DAND5: variants seen among roughly 807,000 people sequenced by gnomAD.
The protein encoded by DAND5 is DAN domain family member 5.
In DAND5, 8 loss-of-function variants were observed where a neutral mutation model predicts 9.2. That is an observed-to-expected ratio of 0.87 (90% CI 0.51 to 1.56). DAND5 has a LOEUF of 1.56. DAND5 is among the 40% of genes most tolerant of loss of function. The probability of loss-of-function intolerance (pLI) is 0.00; values close to 1 mark genes in which losing one functional copy is unlikely to be tolerated. For missense variants in DAND5, 244 were observed against 244.7 expected, an observed-to-expected ratio of 1.00 and a Z score of 0.02; for synonymous variants, 95 against 101.1, an observed-to-expected ratio of 0.94 and a Z score of 0.36.
chr19:12,973,786 C>T lies in DAND5; in HGVS notation c.*152C>T, dbSNP rs1222912435. 6 of 1,151,744 alleles carry T rather than the reference C, an allele frequency of 5.2e-6. No homozygotes were observed. The highest frequency in any genetic ancestry group is 6.0e-6 in the Non-Finnish European group (5 of 833,828). 71.3% of individuals were successfully genotyped at this position (1,151,744 alleles called of 1,614,324 possible). A position where few individuals can be genotyped will look rare whatever the true frequency, so the allele number is the denominator to read the frequency against. On this transcript the variant is annotated 3_prime_UTR_variant, in exon 2 of 2. Coordinates refer to ENST00000317060, the MANE Select transcript of DAND5 (RefSeq NM_152654.3). Reference sequence around the variant, plus strand: ...ACAGGTCCCCAGAGTCCTCACCCTGCTCCCCAGACAGTAGACACAGTGCCC... The same window carrying T: ...ACAGGTCCCCAGAGTCCTCACCCTGTTCCCCAGACAGTAGACACAGTGCCC...
chr19:12,972,209 C>A (rs1310085020), intron 1 of DAND5, among the ~76,000 whole-genome samples: 6 of 152,070 alleles, frequency 3.9e-5, no homozygotes, highest in Non-Finnish European at 8.8e-5. Flanking sequence ...CAGGCGCCCA[C>A]CACCACGCCT....
At chr19:12,970,504 C>A (rs1246851742) in intron 1 of DAND5, 1 of 700,648 alleles carries the variant, frequency 1.4e-6, no homozygotes, top group Non-Finnish European at 2.6e-6. Flanking sequence ...TGGCCTCAAG[C>A]AATCCTCCCA....
intron 1 of DAND5, among the ~76,000 whole-genome samples, chr19:12,973,079 G>C (rs567122033): frequency 1.2e-3 from 174 of 150,610 alleles, no homozygotes; most frequent in African/African-American, 2.9e-3. Context: ...GGCCAGGATG[G>C]TCTCGATCTG....
chr19:12,970,664 TTCTTTCTTTCTTTTCTC>T, intron 1 of DAND5: 1 of 458,330 alleles, frequency 2.2e-6, no homozygotes, highest in South Asian at 4.2e-5. Flanking sequence ...TTTCTTTCCT[TTCTTTCTTTCTTTTCTC>T]TCTCTCTCTT....
chr19:12,970,060 AT>A, intron 1 of DAND5, 76 bp downstream of exon 1: 2 of 1,553,360 alleles, frequency 1.3e-6, no homozygotes, highest in Non-Finnish European at 8.7e-7. Context: ...CCCAAGAAAG[AT>A]TTGGGTTCAA....
intron 1 of DAND5, among the ~76,000 whole-genome samples, chr19:12,972,032 A>C (rs1163449097): frequency 6.6e-6 from 1 of 151,490 alleles, no homozygotes; most frequent in Non-Finnish European, 1.5e-5. Flanking sequence ...CTAGGCCTAC[A>C]GACGCACAGC....
chr19:12,970,473 C>T (rs767500812), intron 1 of DAND5: 7 of 702,244 alleles, frequency 1.0e-5, no homozygotes, highest in South Asian at 8.9e-5. Context: ...CGCTATGTTG[C>T]CCAAGCTAGT....
In DAND5 at chr19:12,973,612, G is replaced by A; in HGVS notation, c.548G>A (p.Cys183Tyr). 6.2e-7 allele frequency: 1 copy of A among 1,614,044 alleles called. No homozygotes were observed. Among genetic ancestry groups the A allele is most frequent in the Non-Finnish European group, 8.5e-7 (1 of 1,180,000 alleles). The change falls in exon 2 of 2, where the codon TGT becomes TAT. Residue 183 changes from cysteine to tyrosine, a missense_variant. Coordinates refer to ENST00000317060, the MANE Select transcript of DAND5 (RefSeq NM_152654.3). ...VKISTMLIEG[C>Y]HCSPKA ...ATATCCACCATGCTGATCGAGGGGT[G>A]TCACTGCAGCCCAAAAGCATGAACT...
At chr19:12,970,456 G>A (rs561929208) in intron 1 of DAND5, 3 of 701,384 alleles carry the variant, frequency 4.3e-6, no homozygotes, top group East Asian at 2.7e-5. Flanking sequence ...TTTAGACACG[G>A]GAGTCTCGCT....
At chr19:12,973,352 T>C (rs779419866) in intron 1 of DAND5, 37 bp from the exon 2 acceptor site, 1 of 1,601,886 alleles carries the variant, frequency 6.2e-7, no homozygotes, top group Admixed American at 1.7e-5. Context: ...GGCCCCAAAC[T>C]CCGCCACCCT....
At chr19:12,973,117 C>G (rs980621362) in intron 1 of DAND5, among the ~76,000 whole-genome samples, 2 of 152,152 alleles carry the variant, frequency 1.3e-5, no homozygotes, top group African/African-American at 2.4e-5. Flanking sequence ...CCGCCTTGGC[C>G]TCCCAAAGTG....
chr19:12,971,504 C>T (rs1243166958), intron 1 of DAND5, among the ~76,000 whole-genome samples: 1 of 151,792 alleles, frequency 6.6e-6, no homozygotes, highest in Non-Finnish European at 1.5e-5. Flanking sequence ...GTCTCAAACT[C>T]CTGACCTCAT....
chr19:12,972,057 TA>T (rs755441824), intron 1 of DAND5, among the ~76,000 whole-genome samples: 25,750 of 128,558 alleles, frequency 0.2, 2,841 homozygotes, highest in Middle Eastern at 0.41. Context: ...GCCCAGCTAA[TA>T]TTTTTTTTTT....
In DAND5 at chr19:12,969,702, C is replaced by A; in HGVS notation, c.42C>A (p.Ser14Arg). The A allele has an allele frequency of 1.9e-6, 3 of 1,607,028 alleles. No individual in the cohort carries two copies. Among genetic ancestry groups the A allele is most frequent in the Non-Finnish European group, 2.5e-6 (3 of 1,177,004 alleles). ...TATCCACTCTTCTGTGCCTGCTTAG[C>A]GGGGCCCTGCCTACAGGCTCAGGGA... ...GQLSTLLCLL[S>R]GALPTGSGRP... Residue 14 changes from serine to arginine, a missense_variant, in exon 1 of 2, where the codon AGC (serine) becomes AGA (arginine). Coordinates refer to ENST00000317060, the MANE Select transcript of DAND5 (RefSeq NM_152654.3).
intron 1 of DAND5, among the ~76,000 whole-genome samples, chr19:12,972,382 A>T (rs1201516568): frequency 1.5e-4 from 22 of 145,520 alleles, no homozygotes; most frequent in Non-Finnish European, 2.7e-4. Flanking sequence ...TTTTTTTTTT[A>T]ATTTCTTTGT....
intron 1 of DAND5, among the ~76,000 whole-genome samples, chr19:12,972,058 ATTTT>A (rs71168643): frequency 5.3e-5 from 6 of 114,184 alleles, no homozygotes; most frequent in Admixed American, 9.3e-5. Flanking sequence ...CCCAGCTAAT[ATTTT>A]TTTTTTTTTT....
chr19:12,973,691 T>C lies in DAND5; in HGVS notation c.*57T>C. Reference sequence around the variant, plus strand: ...CGCACCTTGGAGAAATGAGGGGAGATGGACCAAGAAAGACGTGGACCTGGA... The same window carrying C: ...CGCACCTTGGAGAAATGAGGGGAGACGGACCAAGAAAGACGTGGACCTGGA... On this transcript the variant is annotated 3_prime_UTR_variant, in exon 2 of 2. Transcript: ENST00000317060. The C allele has an allele frequency of 6.3e-7, 1 of 1,578,862 alleles. No homozygotes were observed. Among genetic ancestry groups the C allele is most frequent in the Non-Finnish European group, 8.6e-7 (1 of 1,162,110 alleles).
At chr19:12,972,914 G>C (rs926206231) in intron 1 of DAND5, among the ~76,000 whole-genome samples, 1 of 146,168 alleles carries the variant, frequency 6.8e-6, no homozygotes, top group Non-Finnish European at 1.5e-5. Context: ...CCAGGCTGGA[G>C]TGCAGTGGCG....
rs893482378 is a variant in DAND5, at chr19:12,974,011, C to T, written c.*377C>T. On this transcript the variant is annotated 3_prime_UTR_variant, in exon 2 of 2. Transcript: ENST00000317060. Reference sequence around the variant, plus strand: ...CCGAGTAGCTGGGACTACAGGCACCCGCCAACACGCCCGGCTAATTTTTTG... The same window carrying T: ...CCGAGTAGCTGGGACTACAGGCACCTGCCAACACGCCCGGCTAATTTTTTG... 45 of 195,340 alleles carry T rather than the reference C, an allele frequency of 2.3e-4. No individual in the cohort carries two copies. Among genetic ancestry groups the T allele is most frequent in the Non-Finnish European group, 3.8e-4 (36 of 93,964 alleles). The allele number at this position is 195,340 out of a possible 1,614,324, so 12.1% of individuals were successfully genotyped here. A position where few individuals can be genotyped will look rare whatever the true frequency, so the allele number is the denominator to read the frequency against.
Sources: gnomAD v4.1 joint callset for allele counts (sites outside exome capture counted in the v4.1 genomes callset) on GRCh38, gnomAD v4.1.1 for gene constraint, MANE v1.5 for transcripts, NCBI Gene and HGNC (gene_info 2026-07-23, HGNC 2026-07-21) for gene names.